Variants in SYN2 observed in about 807,000 individuals in gnomAD.
SYN2 encodes the protein synapsin-2.
A neutral mutation model predicts 50.9 loss-of-function variants in SYN2; 19 were observed. The observed-to-expected ratio is 0.37, with a 90% CI of 0.26 to 0.55. The LOEUF (loss-of-function observed/expected upper bound fraction) is 0.55, where lower values mean the gene tolerates loss of function less well. Among genes scored for constraint, SYN2 ranks in the 20% least tolerant of loss-of-function variants. The pLI is 0.81. For synonymous variants in SYN2, 255 were observed against 224.9 expected (o/e 1.13, Z -1.20); for missense variants, 587 against 576.4 (o/e 1.02, Z -0.19).
At chr3:12,038,113 T>C (rs1368043390) in intron 1 of SYN2, among the ~76,000 whole-genome samples, 1 of 152,212 alleles carries the variant, frequency 6.6e-6, no homozygotes, top group Admixed American at 6.5e-5. Flanking sequence ...ATTCATTCCT[T>C]AGCATGTGGA....
intron 1 of SYN2, among the ~76,000 whole-genome samples, chr3:12,026,266 C>A (rs1694255356): frequency 6.6e-6 from 1 of 152,002 alleles, no homozygotes; most frequent in African/African-American, 2.4e-5. Flanking sequence ...TTGGTTAAAG[C>A]AAATAATTAT....
At chr3:12,177,037 T>G (rs1045646942) in intron 10 of SYN2, among the ~76,000 whole-genome samples, 3 of 152,170 alleles carry the variant, frequency 2.0e-5, no homozygotes, top group African/African-American at 7.2e-5. Context: ...CCTGACATGC[T>G]GAGATCCAGA....
At chr3:12,117,051 C>A (rs572164809) in intron 1 of SYN2, among the ~76,000 whole-genome samples, 3 of 152,116 alleles carry the variant, frequency 2.0e-5, no homozygotes, top group African/African-American at 7.2e-5. Flanking sequence ...ACACCCAGCC[C>A]GTCTAAGGCA....
At chr3:12,129,373 C>G (rs939819268) in intron 1 of SYN2, among the ~76,000 whole-genome samples, 2 of 152,106 alleles carry the variant, frequency 1.3e-5, no homozygotes, top group Non-Finnish European at 2.9e-5. Flanking sequence ...GGGTACTGTC[C>G]TTACCTTATA....
At chr3:12,176,556 T>A (rs1396366169) in intron 10 of SYN2, among the ~76,000 whole-genome samples, 1 of 152,162 alleles carries the variant, frequency 6.6e-6, no homozygotes, top group Non-Finnish European at 1.5e-5. Context: ...ACATTTGGTG[T>A]CCAGAATGAA....
At chr3:12,147,435 C>CT (rs1428421349) in intron 4 of SYN2, among the ~76,000 whole-genome samples, 1 of 152,142 alleles carries the variant, frequency 6.6e-6, no homozygotes, top group African/African-American at 2.4e-5. Flanking sequence ...TCTGCGTGGC[C>CT]TGAGGCATCT....
chr3:12,058,343 C>T (rs569017910), intron 1 of SYN2, among the ~76,000 whole-genome samples: 14 of 152,236 alleles, frequency 9.2e-5, no homozygotes, highest in African/African-American at 3.4e-4. Context: ...TGCTATTATG[C>T]TGTGTGTATA....
intron 10 of SYN2, among the ~76,000 whole-genome samples, chr3:12,176,663 T>A (rs924738785): frequency 3.3e-5 from 5 of 152,252 alleles, no homozygotes; most frequent in Non-Finnish European, 7.3e-5. Context: ...CTAACTCCGA[T>A]CAGAATGTGC....
intron 1 of SYN2, chr3:12,071,603 C>T (rs1353055014): frequency 6.0e-6 from 2 of 332,804 alleles, no homozygotes; most frequent in East Asian, 1.5e-4. Flanking sequence ...CTATACATAT[C>T]TTTGATTTCT....
rs1696876394 is a variant in SYN2, at chr3:12,135,372, AGGCCTGAGTC to A, written c.378-5278_378-5269del. 2.0e-5 allele frequency among the ~76,000 whole-genome samples: 3 copies of A among 152,228 alleles called. No homozygotes were observed. In the South Asian group the frequency reaches 6.2e-4, roughly 32 times the overall value. The stretch of plus-strand genomic sequence containing the variant: ...CTTCAGATGTTTGGTTGAAAGAACA[AGGCCTGAGTC>A]AGAGTCAGTAAGAGCTAGAAACTAG... On this transcript the variant is annotated intron_variant, in intron 1 of 12. Transcript: ENST00000621198.
chr3:12,006,815 G>A (rs1693810526), intron 1 of SYN2, among the ~76,000 whole-genome samples: 1 of 152,184 alleles, frequency 6.6e-6, no homozygotes, highest in Admixed American at 6.5e-5. Context: ...AGTGTTTCAG[G>A]CAGTCAACAA....
At chr3:12,019,468 G>T (rs1239644689) in intron 1 of SYN2, among the ~76,000 whole-genome samples, 2 of 152,162 alleles carry the variant, frequency 1.3e-5, no homozygotes, top group East Asian at 3.8e-4. Flanking sequence ...TCAGCACTAT[G>T]ATCAGAGGAA....
intron 1 of SYN2, among the ~76,000 whole-genome samples, chr3:12,090,590 A>G (rs1373658366): frequency 1.3e-5 from 2 of 152,222 alleles, no homozygotes; most frequent in Non-Finnish European, 2.9e-5. Flanking sequence ...TTCAACTTTT[A>G]GTAACTGAGG....
intron 7 of SYN2, among the ~76,000 whole-genome samples, chr3:12,164,565 C>T (rs543475732): frequency 2.0e-5 from 3 of 152,184 alleles, no homozygotes; most frequent in Non-Finnish European, 1.5e-5. Context: ...CAGCAATCAC[C>T]GTGGAGATCC....
intron 1 of SYN2, among the ~76,000 whole-genome samples, chr3:12,041,302 G>A (rs1446386167): frequency 6.6e-6 from 1 of 152,176 alleles, no homozygotes; most frequent in East Asian, 1.9e-4. Flanking sequence ...TGGCTTTGGT[G>A]AAATGGACAT....
intron 1 of SYN2, among the ~76,000 whole-genome samples, chr3:12,042,355 A>G (rs1309986128): frequency 6.6e-6 from 1 of 152,252 alleles, no homozygotes; most frequent in Non-Finnish European, 1.5e-5. Context: ...CCAAGGTCTC[A>G]CAGTTGATAA....
chr3:12,009,961 G>A (rs575313193), intron 1 of SYN2, among the ~76,000 whole-genome samples: 8 of 152,114 alleles, frequency 5.3e-5, no homozygotes, highest in African/African-American at 1.4e-4. Context: ...TGGTTGTTGC[G>A]GTGTGTGCCT....
intron 1 of SYN2, among the ~76,000 whole-genome samples, chr3:12,051,769 G>A (rs1471890166): frequency 1.3e-5 from 2 of 152,200 alleles, no homozygotes; most frequent in African/African-American, 2.4e-5. Flanking sequence ...TGTCAAGAAT[G>A]TTCTTTGGAA....
At chr3:12,100,102 A>T (rs1382181731) in intron 1 of SYN2, among the ~76,000 whole-genome samples, 1 of 152,138 alleles carries the variant, frequency 6.6e-6, no homozygotes, top group African/African-American at 2.4e-5. Flanking sequence ...ATTACATTGA[A>T]CCTGTGCAGT....
Sources: gnomAD v4.1 joint callset for allele counts (sites outside exome capture counted in the v4.1 genomes callset) on GRCh38, gnomAD v4.1.1 for gene constraint, MANE v1.5 for transcripts, NCBI Gene and HGNC (gene_info 2026-07-23, HGNC 2026-07-21) for gene names.